The following PAPOLG variants were observed in gnomAD, a reference collection of about 807,000 sequenced individuals.
PAPOLG encodes the protein PAP-gamma.
A neutral mutation model predicts 99.0 loss-of-function variants in PAPOLG; 40 were observed. The observed-to-expected ratio is 0.40, with a 90% CI of 0.31 to 0.53. PAPOLG has a LOEUF of 0.53. PAPOLG is among the 20% of genes least tolerant of loss of function. The pLI, the probability that PAPOLG is intolerant of heterozygous loss-of-function variation, is 0.41. For synonymous variants in PAPOLG, 310 were observed against 299.3 expected (o/e 1.04, Z -0.37); for missense variants, 675 against 884.1 (o/e 0.76, Z 3.00).
intron 15 of PAPOLG, among the ~76,000 whole-genome samples, chr2:60,789,013 T>C (rs1412696241): frequency 6.6e-6 from 1 of 152,056 alleles, no homozygotes; most frequent in Non-Finnish European, 1.5e-5. Context: ...AATGATGAGT[T>C]CATGTCCTTC....
In PAPOLG at chr2:60,760,141, G is replaced by C. The variant is rs763730971; in HGVS notation, c.25G>C (p.Val9Leu). The C allele has an allele frequency of 1.2e-6, 2 of 1,613,504 alleles. No homozygotes were observed. The highest frequency in any genetic ancestry group is 2.7e-5 in the African/African-American group (2 of 74,768). Residue 9 changes from valine (V) to leucine (L), a missense_variant, in exon 2 of 22, where the codon GTG becomes CTG. Around this residue, in one of 3 missense-constraint regions of PAPOLG, gnomAD observed 149 missense variants for 192.1 expected, o/e 0.78. Coordinates refer to ENST00000238714, the MANE Select transcript of PAPOLG (RefSeq NM_022894.4). Reference protein sequence around the residue: MKEMSANTVLDSQRQQKHY... With the variant: MKEMSANTLLDSQRQQKHY... ...TCTTATTTTCTTGAACAGAAACACCGTGCTGGACAGCCAGCGTCAACAAAA... is the reference window on the plus strand; with the variant it reads ...TCTTATTTTCTTGAACAGAAACACCCTGCTGGACAGCCAGCGTCAACAAAA...
intron 3 of PAPOLG, among the ~76,000 whole-genome samples, chr2:60,765,183 C>A (rs1670636777): frequency 6.6e-6 from 1 of 151,814 alleles, no homozygotes; most frequent in African/African-American, 2.4e-5. Flanking sequence ...ATCCTCTCAC[C>A]CCAGCCCCCC....
intron 9 of PAPOLG, among the ~76,000 whole-genome samples, chr2:60,780,204 A>G (rs1028812142): frequency 1.2e-4 from 19 of 152,198 alleles, no homozygotes; most frequent in African/African-American, 4.3e-4. Flanking sequence ...GTTAATGAAA[A>G]GTAATATTTG....
rs1013587863 is a variant in PAPOLG, at chr2:60,797,764, A to C, written c.*604A>C. 12 of 152,780 alleles carry C rather than the reference A, an allele frequency of 7.9e-5. No individual in the cohort carries two copies. The highest frequency in any genetic ancestry group is 2.9e-4 in the African/African-American group (12 of 41,450). The allele number at this position is 152,780 out of a possible 1,614,324, so 9.5% of individuals were successfully genotyped here. A position where few individuals can be genotyped will look rare whatever the true frequency, so the allele number is the denominator to read the frequency against. On this transcript the variant is annotated 3_prime_UTR_variant, in exon 22 of 22. Coordinates refer to ENST00000238714, the MANE Select transcript of PAPOLG (RefSeq NM_022894.4). ...TTCCAGATTGGCACATGAAATATTT[A>C]AACTTTTTTGTGTGCCTTTCTGTCC...
At chr2:60,792,336 A>G (rs747142263) in intron 17 of PAPOLG, 47 bp downstream of exon 17, 1 of 1,513,568 alleles carries the variant, frequency 6.6e-7, no homozygotes, top group Non-Finnish European at 9.0e-7. Flanking sequence ...TGTTCAGTTT[A>G]TTTGAGGATA....
intron 21 of PAPOLG, among the ~76,000 whole-genome samples, chr2:60,796,051 G>A (rs1251148543): frequency 6.6e-6 from 1 of 152,008 alleles, no homozygotes; most frequent in Non-Finnish European, 1.5e-5. Context: ...TTGCCCTGGT[G>A]TCTACTTCTT....
intron 7 of PAPOLG, among the ~76,000 whole-genome samples, chr2:60,773,324 C>T (rs1275758559): frequency 6.6e-6 from 1 of 152,192 alleles, no homozygotes; most frequent in African/African-American, 2.4e-5. Context: ...TTCCAATCCG[C>T]AGTCCCAGGC....
chr2:60,795,267 C>T, intron 21 of PAPOLG: 1 of 616,244 alleles, frequency 1.6e-6, no homozygotes, highest in South Asian at 1.6e-5. Context: ...ATTATGTTCA[C>T]CCTTTGTTTT....
intron 3 of PAPOLG, among the ~76,000 whole-genome samples, chr2:60,762,581 A>G (rs1440605129): frequency 6.6e-6 from 1 of 152,070 alleles, no homozygotes; most frequent in African/African-American, 2.4e-5. Flanking sequence ...TGTTAATGCT[A>G]TGTAAATAGT....
At chr2:60,785,995 TAAAAA>T (rs1176763016) in intron 13 of PAPOLG, among the ~76,000 whole-genome samples, 1 of 151,924 alleles carries the variant, frequency 6.6e-6, no homozygotes, top group South Asian at 2.1e-4. Flanking sequence ...GTTCTTCTAT[TAAAAA>T]AAAGAACACA....
intron 10 of PAPOLG, 113 bp downstream of exon 10, chr2:60,780,892 C>A: frequency 1.2e-6 from 1 of 850,138 alleles, no homozygotes; most frequent in Non-Finnish European, 1.9e-6. Context: ...TTCTATATAA[C>A]TATAGTCCCC....
chr2:60,789,259 A>G (rs945797035), intron 15 of PAPOLG, among the ~76,000 whole-genome samples: 13 of 152,084 alleles, frequency 8.5e-5, no homozygotes, highest in Non-Finnish European at 7.4e-5. Flanking sequence ...GCACACCAGC[A>G]TGGCACATGT....
intron 7 of PAPOLG, among the ~76,000 whole-genome samples, chr2:60,774,187 C>T (rs970911462): frequency 3.9e-5 from 6 of 151,982 alleles, no homozygotes; most frequent in African/African-American, 7.2e-5. Context: ...CTCCGCCTCC[C>T]GGGTTCACGC....
At chr2:60,792,326 T>C in intron 17 of PAPOLG, 37 bp downstream of exon 17, 1 of 1,540,570 alleles carries the variant, frequency 6.5e-7, no homozygotes, top group Non-Finnish European at 8.8e-7. Context: ...TTTGGTTTTC[T>C]GTTCAGTTTA....
chr2:60,783,403 G>A lies in PAPOLG; in HGVS notation c.1166+194G>A, dbSNP rs931654884. Among the ~76,000 whole-genome samples the A allele has an allele frequency of 3.1e-5, 4 of 128,224 alleles. No individual in the cohort carries two copies. In the East Asian group the frequency reaches 6.8e-4, roughly 22 times the overall value. 84.1% of individuals were successfully genotyped at this position (128,224 alleles called of 152,430 possible). On this transcript the variant is annotated intron_variant, in intron 13 of 21. Transcript: ENST00000238714. ...AGTGTCGCGATCTCAGTTTCGCCAC[G>A]TTGGTCAGGCTGATCTCGAGCTCCT...
intron 11 of PAPOLG, 70 bp from the exon 12 acceptor site, chr2:60,782,616 A>G: frequency 7.5e-7 from 1 of 1,342,212 alleles, no homozygotes; most frequent in Non-Finnish European, 9.6e-7. Flanking sequence ...TAGTAGAGTG[A>G]TTTAAGAGCT....
At chr2:60,791,661 A>G (rs983353025) in intron 15 of PAPOLG, 100 bp from the exon 16 acceptor site, 1 of 1,429,276 alleles carries the variant, frequency 7.0e-7, no homozygotes, top group Non-Finnish European at 9.4e-7. Context: ...GCCGGTGGTG[A>G]TAGTGGGGAG....
At position 60,770,466 on chromosome 2, in the gene PAPOLG, A is replaced by G. The variant is rs920300245; in HGVS notation, c.447A>G (p.Glu149=). 8.1e-6 allele frequency: 13 copies of G among 1,598,390 alleles called. No homozygotes were observed. The Admixed American group carries it at 1.9e-4, about 23-fold the overall frequency. Residue 149 remains glutamate (E), a synonymous_variant, in exon 6 of 22, where the codon GAA becomes GAG. Transcript: ENST00000238714. The stretch of plus-strand genomic sequence containing the variant: ...GTTTTCCTTTTTTGTAGGCTGTAGA[A>G]GATGCCTTTGTACCTGTTATAAAAT... ...QDGIRNLRAV[E]DAFVPVIKFE... is the part of the protein sequence containing the mutation.
intron 19 of PAPOLG, 57 bp from the exon 20 acceptor site, chr2:60,794,653 T>C (rs1201145091): frequency 1.4e-5 from 20 of 1,443,484 alleles, no homozygotes; most frequent in Non-Finnish European, 1.9e-5. Context: ...TTTATATAGA[T>C]TTATATGGGT....
Sources: allele counts gnomAD v4.1 joint callset (sites outside exome capture counted in the v4.1 genomes callset), GRCh38; gene constraint gnomAD v4.1.1; regional missense constraint gnomAD v4.1.1; transcripts MANE v1.5; gene names NCBI Gene and HGNC (gene_info 2026-07-23, HGNC 2026-07-21).